Variants in SOX12 observed in about 807,000 individuals in gnomAD.
SOX12 encodes the protein SRY-box transcription factor 12, also known as transcription factor SOX-12.
Under a neutral mutation model 21.5 loss-of-function variants are expected in SOX12, and 8 were observed. The observed-to-expected ratio is 0.37, with a 90% CI of 0.22 to 0.67. SOX12 has a LOEUF of 0.67. Among genes scored for constraint, SOX12 ranks in the 30% least tolerant of loss-of-function variants. The pLI is 0.56. For synonymous variants in SOX12, 235 were observed against 224.2 expected (o/e 1.05, Z -0.43); for missense variants, 400 against 482.6 (o/e 0.83, Z 1.60).
At position 326,648 on chromosome 20, in the gene SOX12, G is replaced by C; in HGVS notation, c.724G>C (p.Glu242Gln). The part of the protein sequence containing the change: ...EEAAAAEEGE[E>Q]ETVASGEESL... Reference sequence around the variant, plus strand: ...GGCGGCAGCGGCTGAGGAAGGTGAAGAGGAGACGGTGGCGTCGGGGGAGGA... The same window carrying C: ...GGCGGCAGCGGCTGAGGAAGGTGAACAGGAGACGGTGGCGTCGGGGGAGGA... The change falls in exon 1 of 1, where the codon GAG becomes CAG. Residue 242 changes from glutamate (E) to glutamine (Q), a missense_variant. Transcript: ENST00000342665. This position sits in a 1 kb window ranked among gnomAD's most constrained non-coding sequence, Gnocchi z 9.9. The C allele has an allele frequency of 6.4e-7, 1 of 1,550,852 alleles. No homozygotes were observed. The highest frequency in any genetic ancestry group is 8.7e-7 in the Non-Finnish European group (1 of 1,146,854).
Position 326,592 on chromosome 20 carries a change from A to T in SOX12, c.668A>T (p.Glu223Val). 2 of 1,538,838 alleles carry T rather than the reference A, an allele frequency of 1.3e-6. No homozygotes were observed. Among genetic ancestry groups the T allele is most frequent in the Non-Finnish European group, 1.8e-6 (2 of 1,142,142 alleles). Reference sequence around the variant, plus strand: ...GCCGCCGCCTCCCCGACACCGTCGGAGGACGAGGAGCCGGAGGAAGAGGAG... The same window carrying T: ...GCCGCCGCCTCCCCGACACCGTCGGTGGACGAGGAGCCGGAGGAAGAGGAG... Reference protein sequence around the residue: ...AAAAASPTPSEDEEPEEEEEE... With the variant: ...AAAAASPTPSVDEEPEEEEEE... The change falls in exon 1 of 1, where the codon GAG becomes GTG. Residue 223 changes from glutamate (E) to valine (V), a missense_variant. By Grantham distance (121) the Glu-to-Val change is moderately radical. Coordinates refer to ENST00000342665, the MANE Select transcript of SOX12 (RefSeq NM_006943.4). The surrounding 1 kb of genome is among the most constrained non-coding windows in gnomAD (Gnocchi z 9.9).
Position 326,860 on chromosome 20 carries a change from T to A in SOX12, c.936T>A (p.Val312=). 6.2e-7 allele frequency: 1 copy of A among 1,613,018 alleles called. No individual in the cohort carries two copies. The highest frequency in any genetic ancestry group is 8.5e-7 in the Non-Finnish European group (1 of 1,179,770). ...DWRPSSIADL[V]FTY ...GCCCGTCTAGCATCGCAGACCTGGT[T>A]TTCACCTACTGAGCCCACCGTCAGC... The change falls in exon 1 of 1, where the codon GTT becomes GTA. Residue 312 remains valine, a synonymous_variant. Coordinates refer to ENST00000342665, the MANE Select transcript of SOX12 (RefSeq NM_006943.4). This position sits in a 1 kb window ranked among gnomAD's most constrained non-coding sequence, Gnocchi z 9.9.
Position 325,960 on chromosome 20 carries a change from C to A in SOX12, c.36C>A (p.Asp12Glu). 7.3e-7 allele frequency: 1 copy of A among 1,364,580 alleles called. No individual in the cohort carries two copies. The highest frequency in any genetic ancestry group is 1.7e-5 in the South Asian group (1 of 58,182). The allele number at this position is 1,364,580 out of a possible 1,614,324, so 84.5% of individuals were successfully genotyped here. A position where few individuals can be genotyped will look rare whatever the true frequency, so the allele number is the denominator to read the frequency against. ...AGCGGGGCGCGAGGGCCAAGCGGGA[C>A]GGCGGGCCGCCGCCCCCGGGACCCG... ...VQQRGARAKR[D>E]GGPPPPGPGP... Residue 12 changes from aspartate to glutamate, a missense_variant, in exon 1 of 1, where the codon GAC (aspartate) becomes GAA (glutamate). Transcript: ENST00000342665. The surrounding 1 kb of genome is among the most constrained non-coding windows in gnomAD (Gnocchi z 5.0).
At position 325,948 on chromosome 20, in the gene SOX12, G is replaced by T; in HGVS notation, c.24G>T (p.Arg8Ser). ...CGATGGTGCAGCAGCGGGGCGCGAG[G>T]GCCAAGCGGGACGGCGGGCCGCCGC... MVQQRGARAKRDGGPPPP... is the reference protein window; with the variant it reads MVQQRGASAKRDGGPPPP... Residue 8 changes from arginine (R) to serine (S), a missense_variant, in exon 1 of 1, where the codon AGG (arginine) becomes AGT (serine). Coordinates refer to ENST00000342665, the MANE Select transcript of SOX12 (RefSeq NM_006943.4). The surrounding 1 kb of genome is among the most constrained non-coding windows in gnomAD (Gnocchi z 5.0). 1 of 1,324,636 alleles carries T rather than the reference G, an allele frequency of 7.5e-7. No individual in the cohort carries two copies. Among genetic ancestry groups the T allele is most frequent in the Non-Finnish European group, 9.6e-7 (1 of 1,038,342 alleles). 82.1% of individuals were successfully genotyped at this position (1,324,636 alleles called of 1,614,324 possible).
Position 327,175 on chromosome 20 carries a change from C to A in SOX12, c.*303C>A. ...CGTCCTCTCCTACAGACCTGCACCC[C>A]TCCCCCCTTTTGCACACGCCCCTCC... On this transcript the variant is annotated 3_prime_UTR_variant, in exon 1 of 1. Coordinates refer to ENST00000342665, the MANE Select transcript of SOX12 (RefSeq NM_006943.4). 1 of 418,160 alleles carries A rather than the reference C, an allele frequency of 2.4e-6. No individual in the cohort carries two copies. Among genetic ancestry groups the A allele is most frequent in the South Asian group, 2.6e-5 (1 of 38,726 alleles). The allele number at this position is 418,160 out of a possible 1,614,324, so 25.9% of individuals were successfully genotyped here. A position where few individuals can be genotyped will look rare whatever the true frequency, so the allele number is the denominator to read the frequency against.
rs1380855213 is a variant in SOX12, at chr20:328,541, A to C, written c.*1669A>C. 5 of 156,768 alleles carry C rather than the reference A, an allele frequency of 3.2e-5. No individual in the cohort carries two copies. The highest frequency in any genetic ancestry group is 7.5e-5 in the Non-Finnish European group (5 of 66,970). 9.7% of individuals were successfully genotyped at this position (156,768 alleles called of 1,614,324 possible). A position where few individuals can be genotyped will look rare whatever the true frequency, so the allele number is the denominator to read the frequency against. On this transcript the variant is annotated 3_prime_UTR_variant, in exon 1 of 1. Transcript: ENST00000342665. ...TATTTTTTTTTTTTTTTTTTTTAAG[A>C]AAAACAACAACAACAAAAAAAGACA...
rs181028517 is a variant in SOX12 at position 327,181 on chromosome 20, C to T, written c.*309C>T. On this transcript the variant is annotated 3_prime_UTR_variant, in exon 1 of 1. Coordinates refer to ENST00000342665, the MANE Select transcript of SOX12 (RefSeq NM_006943.4). ...CTCCTACAGACCTGCACCCCTCCCC[C>T]CTTTTGCACACGCCCCTCCTCGTGG... 5.1e-6 allele frequency: 2 copies of T among 395,766 alleles called. No homozygotes were observed. Among genetic ancestry groups the T allele is most frequent in the East Asian group, 6.6e-5 (1 of 15,234 alleles). The allele number at this position is 395,766 out of a possible 1,614,324, so 24.5% of individuals were successfully genotyped here.
Position 326,516 on chromosome 20 carries a change from G to A in SOX12, c.592G>A (p.Gly198Arg). The A allele has an allele frequency of 6.9e-7, 1 of 1,455,712 alleles. No homozygotes were observed. Among genetic ancestry groups the A allele is most frequent in the Non-Finnish European group, 9.0e-7 (1 of 1,117,116 alleles). 90.2% of individuals were successfully genotyped at this position (1,455,712 alleles called of 1,614,324 possible). Residue 198 changes from glycine to arginine, a missense_variant, in exon 1 of 1, where the codon GGA becomes AGA. Transcript: ENST00000342665. This position sits in a 1 kb window ranked among gnomAD's most constrained non-coding sequence, Gnocchi z 9.9. ...RMVPAGRAAR[G>R]QAERAQGPSG... The stretch of plus-strand genomic sequence containing the variant: ...GGTCCCGGCGGGACGGGCCGCTCGG[G>A]GACAAGCGGAGCGCGCCCAAGGGCC...
Sources: allele counts gnomAD v4.1 joint callset, GRCh38; gene constraint gnomAD v4.1.1; non-coding constraint Gnocchi (gnomAD v3.1); transcripts MANE v1.5; gene names NCBI Gene and HGNC (gene_info 2026-07-23, HGNC 2026-07-21).